The following AGBL1 variants were observed in gnomAD, a reference collection of about 807,000 sequenced individuals.
AGBL1 encodes AGBL carboxypeptidase 1, also known as cytosolic carboxypeptidase 4.
AGBL1 carries 130 observed loss-of-function variants against 118.9 expected under a neutral mutation model. The observed-to-expected ratio is 1.09, with a 90% CI of 0.95 to 1.26. The LOEUF is 1.26. Ranked by LOEUF, AGBL1 falls within the 50% of genes most tolerant of loss-of-function variation. AGBL1 has a pLI of 0.00. For missense variants in AGBL1, 1,584 were observed against 1,298.1 expected, an observed-to-expected ratio of 1.22 and a Z score of -3.38; for synonymous variants, 555 against 478.9, an observed-to-expected ratio of 1.16 and a Z score of -2.08.
intron 22 of AGBL1, among the ~76,000 whole-genome samples, chr15:86,732,051 T>G (rs2077533976): frequency 6.6e-6 from 1 of 152,202 alleles, no homozygotes; most frequent in Non-Finnish European, 1.5e-5. Flanking sequence ...GAGGCAGATG[T>G]TACTGTTATC....
chr15:86,494,126 CTAAG>C lies in AGBL1; in HGVS notation c.2556-28682_2556-28679del, dbSNP rs983901952. 1.5e-3 allele frequency among the ~76,000 whole-genome samples: 223 copies of C among 152,164 alleles called. 3 individuals are homozygous for C. The highest frequency in any genetic ancestry group is 5.1e-3 in the African/African-American group (211 of 41,528). On this transcript the variant is annotated intron_variant, in intron 18 of 22. Transcript: ENST00000614907. ...GGTGGGAGATGAGTCATCTTCTACT[CTAAG>C]TGTTTATCAAGAGTATTTTCTTCCA...
chr15:86,109,672 C>T (rs535279672), intron 1 of AGBL1: 1 of 152,316 alleles, frequency 6.6e-6, no homozygotes, highest in African/African-American at 2.4e-5. Context: ...GAGAAAACTT[C>T]TATCAAACTT....
chr15:86,698,614 T>G (rs2086303167), intron 22 of AGBL1, among the ~76,000 whole-genome samples: 3 of 151,820 alleles, frequency 2.0e-5, no homozygotes, highest in South Asian at 4.2e-4. Context: ...ATCATTGTTT[T>G]TTTTTTTTTT....
intron 24 of AGBL1, among the ~76,000 whole-genome samples, chr15:86,990,873 T>C (rs1210721636): frequency 6.6e-6 from 1 of 152,164 alleles, no homozygotes; most frequent in African/African-American, 2.4e-5. Flanking sequence ...TTATAGGCTG[T>C]CTGGGGCCTC....
At chr15:86,883,377 A>G (rs1327230222) in intron 22 of AGBL1, among the ~76,000 whole-genome samples, 2 of 152,180 alleles carry the variant, frequency 1.3e-5, no homozygotes, top group Non-Finnish European at 2.9e-5. Context: ...TACACTTCCA[A>G]CACCAGCATT....
intron 16 of AGBL1, among the ~76,000 whole-genome samples, chr15:86,280,484 T>C (rs964803660): frequency 6.6e-6 from 1 of 152,222 alleles, no homozygotes; most frequent in Non-Finnish European, 1.5e-5. Flanking sequence ...TGCAGCTTTC[T>C]GTCATTTGAA....
chr15:86,397,609 C>T (rs867124597), intron 18 of AGBL1, 63 bp downstream of exon 18: 1 of 1,482,646 alleles, frequency 6.7e-7, no homozygotes, highest in Non-Finnish European at 9.2e-7. Context: ...ACTGTCATTT[C>T]ACCAAGTAGG....
At position 86,947,594 on chromosome 15, in the gene AGBL1, G is replaced by A. The variant is rs147219297; in HGVS notation, c.3222-40393G>A. ...AAATATCAAACTTTGTTGTAATTTT[G>A]TTATCAAATTGTAAGTCATATGATT... On this transcript the variant is annotated intron_variant, in intron 23 of 24. Transcript: ENST00000441037. Among the ~76,000 whole-genome samples, 880 of 152,048 alleles carry A rather than the reference G, an allele frequency of 5.8e-3. 7 individuals are homozygous for A. Among genetic ancestry groups the A allele is most frequent in the Middle Eastern group, 0.017 (5 of 294 alleles).
At chr15:86,768,820 G>T (rs1244335615) in intron 22 of AGBL1, among the ~76,000 whole-genome samples, 2 of 149,774 alleles carry the variant, frequency 1.3e-5, no homozygotes, top group Non-Finnish European at 3.0e-5. Context: ...CATATTAATT[G>T]CTGTGCCTTA....
chr15:86,152,870 A>G (rs1488834299), intron 3 of AGBL1, among the ~76,000 whole-genome samples: 1 of 152,256 alleles, frequency 6.6e-6, no homozygotes, highest in African/African-American at 2.4e-5. Flanking sequence ...GACATTTCTT[A>G]AAAGAAGACA....
chr15:86,471,660 T>G (rs1367776195), intron 18 of AGBL1, among the ~76,000 whole-genome samples: 3 of 152,160 alleles, frequency 2.0e-5, no homozygotes, highest in Non-Finnish European at 4.4e-5. Context: ...AGTATTACAG[T>G]GGTGTTGGCT....
At chr15:86,281,739 T>C (rs974166242) in intron 16 of AGBL1, among the ~76,000 whole-genome samples, 6 of 152,176 alleles carry the variant, frequency 3.9e-5, no homozygotes, top group Admixed American at 3.3e-4. Flanking sequence ...TGTAGAAAAG[T>C]GTAGAAGAAA....
intron 18 of AGBL1, among the ~76,000 whole-genome samples, chr15:86,459,427 G>C (rs1178412433): frequency 6.6e-6 from 1 of 152,116 alleles, no homozygotes; most frequent in Admixed American, 6.5e-5. Flanking sequence ...GCTTTCTCTA[G>C]TTTCAGCTTG....
intron 17 of AGBL1, among the ~76,000 whole-genome samples, chr15:86,393,824 G>GTGGA (rs1338303886): frequency 6.6e-6 from 1 of 152,138 alleles, no homozygotes; most frequent in Non-Finnish European, 1.5e-5. Context: ...GTGTCAGAAG[G>GTGGA]TGGAACCTTT....
intron 20 of AGBL1, among the ~76,000 whole-genome samples, chr15:86,548,314 C>A (rs891084041): frequency 6.6e-6 from 1 of 151,952 alleles, no homozygotes; most frequent in East Asian, 1.9e-4. Flanking sequence ...GATTATACAC[C>A]CTGTTATATT....
At chr15:86,465,933 C>A (rs549830927) in intron 18 of AGBL1, among the ~76,000 whole-genome samples, 2 of 152,140 alleles carry the variant, frequency 1.3e-5, no homozygotes, top group African/African-American at 2.4e-5. Flanking sequence ...TATTTGTACA[C>A]CCCTCCCCTT....
chr15:86,219,943 C>CTTTTT (rs1491233116), intron 5 of AGBL1, among the ~76,000 whole-genome samples: 3 of 109,788 alleles, frequency 2.7e-5, no homozygotes, highest in African/African-American at 3.0e-5. Flanking sequence ...CTAATGCTGC[C>CTTTTT]TCTTTTTTTT....
intron 1 of AGBL1, among the ~76,000 whole-genome samples, chr15:86,085,003 G>A (rs1895541896): frequency 6.6e-6 from 1 of 152,172 alleles, no homozygotes; most frequent in African/African-American, 2.4e-5. Context: ...GAAGTGGTAA[G>A]CATATTGGTA....
intron 5 of AGBL1, 82 bp downstream of exon 5, chr15:86,159,108 C>G: frequency 7.7e-7 from 1 of 1,306,866 alleles, no homozygotes; most frequent in Non-Finnish European, 1.1e-6. Flanking sequence ...TTTCATGATG[C>G]TTCCAGCTCA....
Sources: allele counts gnomAD v4.1 joint callset (sites outside exome capture counted in the v4.1 genomes callset), GRCh38; gene constraint gnomAD v4.1.1; transcripts MANE v1.5; gene names NCBI Gene and HGNC (gene_info 2026-07-23, HGNC 2026-07-21).